The following PTPRE variants were observed in gnomAD, a reference collection of about 807,000 sequenced individuals.
The protein encoded by PTPRE is receptor-type tyrosine-protein phosphatase epsilon.
A neutral mutation model predicts 102.0 loss-of-function variants in PTPRE; 51 were observed. That is an observed-to-expected ratio of 0.50 (90% CI 0.40 to 0.63). The LOEUF (loss-of-function observed/expected upper bound fraction) is 0.63, where lower values mean the gene tolerates loss of function less well. Ranked by LOEUF, PTPRE falls within the 30% of genes least tolerant of loss-of-function variation. The probability of loss-of-function intolerance (pLI) is 0.00; values close to 1 mark genes in which losing one functional copy is unlikely to be tolerated. For synonymous variants in PTPRE, 345 were observed against 348.2 expected, an observed-to-expected ratio of 0.99 and a Z score of 0.10; for missense variants, 752 against 915.1, an observed-to-expected ratio of 0.82 and a Z score of 2.30.
intron 2 of PTPRE, among the ~76,000 whole-genome samples, chr10:128,011,147 A>T (rs1371126290): frequency 6.6e-6 from 1 of 152,192 alleles, no homozygotes; most frequent in African/African-American, 2.4e-5. Flanking sequence ...CTGTCATTCT[A>T]GGCAAGAAAA....
intron 1 of PTPRE, among the ~76,000 whole-genome samples, chr10:127,981,624 C>T (rs187453631): frequency 6.9e-4 from 105 of 152,176 alleles, no homozygotes; most frequent in African/African-American, 2.3e-3. Context: ...TCGAGACTAG[C>T]CTGGCCAACA....
intron 1 of PTPRE, among the ~76,000 whole-genome samples, chr10:127,952,342 CTAG>C (rs1212254698): frequency 9.0e-3 from 1,254 of 139,492 alleles, no homozygotes; most frequent in Non-Finnish European, 0.012. Flanking sequence ...CCCGCCCCCC[CTAG>C]CCCTTAGTTG....
At chr10:127,982,748 C>T (rs1281413860) in intron 2 of PTPRE, among the ~76,000 whole-genome samples, 2 of 152,106 alleles carry the variant, frequency 1.3e-5, no homozygotes, top group Non-Finnish European at 2.9e-5. Flanking sequence ...TGAAAAGGAG[C>T]TTCTCCGGAT....
chr10:128,000,877 G>A (rs1853809911), intron 2 of PTPRE, among the ~76,000 whole-genome samples: 1 of 151,894 alleles, frequency 6.6e-6, no homozygotes, highest in Non-Finnish European at 1.5e-5. Flanking sequence ...GCAGTGTTCA[G>A]ACACCTCATG....
intron 1 of PTPRE, among the ~76,000 whole-genome samples, chr10:127,973,939 C>A (rs1038559757): frequency 6.6e-6 from 1 of 152,222 alleles, no homozygotes; most frequent in Non-Finnish European, 1.5e-5. Flanking sequence ...CCCGGCCGCC[C>A]ACCACTGCCC....
rs1850606174 is a variant in PTPRE, at chr10:128,069,773, G to C, written c.1089G>C (p.Val363=). The C allele has an allele frequency of 6.2e-7, 1 of 1,614,094 alleles. No homozygotes were observed. Among genetic ancestry groups the C allele is most frequent in the African/African-American group, 1.3e-5 (1 of 74,936 alleles). Residue 363 remains valine, a synonymous_variant, in exon 13 of 21, where the codon GTG becomes GTC. Coordinates refer to ENST00000254667, the MANE Select transcript of PTPRE (RefSeq NM_006504.6). ...TGCACGCGGAGCAGAAGGTGGATGT[G>C]TTTGAATTTGTGTCTCGAATCCGTA... The part of the protein sequence containing the change: ...AMMHAEQKVD[V]FEFVSRIRNQ...
At chr10:128,063,342 G>T (rs117268835) in intron 10 of PTPRE, among the ~76,000 whole-genome samples, 162 bp downstream of exon 10, 1 of 152,138 alleles carries the variant, frequency 6.6e-6, no homozygotes, top group Non-Finnish European at 1.5e-5. Context: ...TTTTCTTCAC[G>T]AAACAAATCC....
chr10:127,974,198 G>C (rs1047679922), intron 1 of PTPRE, among the ~76,000 whole-genome samples: 1 of 152,200 alleles, frequency 6.6e-6, no homozygotes, highest in Non-Finnish European at 1.5e-5. Context: ...CAGGCTCACA[G>C]CAGTGATTTA....
intron 7 of PTPRE, among the ~76,000 whole-genome samples, chr10:128,060,695 T>C (rs1388318831): frequency 1.3e-5 from 2 of 152,216 alleles, no homozygotes; most frequent in Non-Finnish European, 2.9e-5. Context: ...ACCCTTGTCG[T>C]CATGCCACAG....
intron 1 of PTPRE, among the ~76,000 whole-genome samples, chr10:127,918,617 C>T (rs1182625183): frequency 1.3e-5 from 2 of 151,548 alleles, no homozygotes; most frequent in East Asian, 3.9e-4. Context: ...ATTGAAGGAG[C>T]TTGGGGAAAA....
intron 19 of PTPRE, 32 bp downstream of exon 19, chr10:128,077,815 G>T (rs757093298): frequency 6.4e-7 from 1 of 1,561,538 alleles, no homozygotes. Flanking sequence ...CTCCAGGTGG[G>T]GTGGACACAG....
At chr10:127,956,437 C>T (rs1271349853) in intron 1 of PTPRE, among the ~76,000 whole-genome samples, 1 of 152,166 alleles carries the variant, frequency 6.6e-6, no homozygotes. Context: ...TCTATATATT[C>T]ATTGCATTGA....
At chr10:128,082,054 C>T (rs571549363) in intron 20 of PTPRE, among the ~76,000 whole-genome samples, 4 of 152,172 alleles carry the variant, frequency 2.6e-5, no homozygotes, top group Non-Finnish European at 5.9e-5. Context: ...TCTGGGAGGA[C>T]CAGCCTATAT....
Position 128,008,329 on chromosome 10 carries a change from T to G in PTPRE, c.-8+26033T>G, listed in dbSNP as rs1844682688. ...GGGCATTCACACTGCACCTCTGGCC[T>G]CCTCCTGGAGCTTCTGGAAGGTGAG... On this transcript the variant is annotated intron_variant, in intron 2 of 20. Coordinates refer to ENST00000254667, the MANE Select transcript of PTPRE (RefSeq NM_006504.6). This position sits in a 1 kb window ranked among gnomAD's most constrained non-coding sequence, Gnocchi z 4.0. Among the ~76,000 whole-genome samples the G allele has an allele frequency of 1.4e-5, 2 of 143,364 alleles. No individual in the cohort carries two copies. 94.1% of individuals were successfully genotyped at this position (143,364 alleles called of 152,430 possible). A position where few individuals can be genotyped will look rare whatever the true frequency, so the allele number is the denominator to read the frequency against.
chr10:127,911,112 G>T (rs1471487899), intron 1 of PTPRE, among the ~76,000 whole-genome samples: 1 of 152,074 alleles, frequency 6.6e-6, no homozygotes, highest in Non-Finnish European at 1.5e-5. Context: ...AAGTTTGAAT[G>T]AATACATGAA....
rs1848191025 is a variant in PTPRE at position 128,047,493 on chromosome 10, G to C, written c.209+4G>C. ...TTCTCGCCGCCTACTTCTTCAGGTA[G>C]GAGTGTCCCGGGGCACTGACTTGCC... On this transcript the variant is annotated splice_donor_region_variant and intron_variant, in intron 4 of 20. Coordinates refer to ENST00000254667, the MANE Select transcript of PTPRE (RefSeq NM_006504.6). 1 of 1,613,226 alleles carries C rather than the reference G, an allele frequency of 6.2e-7. No homozygotes were observed. Among genetic ancestry groups the C allele is most frequent in the Non-Finnish European group, 8.5e-7 (1 of 1,180,008 alleles).
chr10:128,004,992 A>G (rs1408980812), intron 2 of PTPRE, among the ~76,000 whole-genome samples: 2 of 152,110 alleles, frequency 1.3e-5, no homozygotes, highest in African/African-American at 4.8e-5. Context: ...ATGAATAGTG[A>G]TGGTGGGCAT....
chr10:127,965,518 G>A (rs1027717347), intron 1 of PTPRE, among the ~76,000 whole-genome samples: 2 of 152,294 alleles, frequency 1.3e-5, no homozygotes, highest in Middle Eastern at 3.4e-3. Context: ...AGCCTTTTAA[G>A]TTTCCTTAAC....
In PTPRE at chr10:127,907,318, G is replaced by GCGTGCGGACAGGGAC; in HGVS notation, c.-31+11_-31+25dup. 1 of 984,762 alleles carries GCGTGCGGACAGGGAC rather than the reference G, an allele frequency of 1.0e-6. No homozygotes were observed. The highest frequency in any genetic ancestry group is 1.1e-4 in the East Asian group (1 of 8,712). The allele number at this position is 984,762 out of a possible 1,614,324, so 61.0% of individuals were successfully genotyped here. On this transcript the variant is annotated intron_variant, in intron 1 of 20. Transcript: ENST00000254667. This position sits in a 1 kb window ranked among gnomAD's most constrained non-coding sequence, Gnocchi z 4.8. ...AGACCGGCCCCCCCGAGGTGAGCGC[G>GCGTGCGGACAGGGAC]CGTGCGGACAGGGACCCTGCGCCCC...
Sources: allele counts gnomAD v4.1 joint callset (sites outside exome capture counted in the v4.1 genomes callset), GRCh38; gene constraint gnomAD v4.1.1; non-coding constraint Gnocchi (gnomAD v3.1); transcripts MANE v1.5; gene names NCBI Gene and HGNC (gene_info 2026-07-23, HGNC 2026-07-21).